Variants in PARP1 observed in about 807,000 individuals in gnomAD.
PARP1 encodes poly(ADP-ribose) polymerase 1.
Under a neutral mutation model 118.7 loss-of-function variants are expected in PARP1, and 44 were observed. The ratio of observed to expected loss-of-function variants is 0.37; its 90% CI spans 0.29 to 0.48. PARP1 has a LOEUF of 0.48. Ranked by LOEUF, PARP1 falls within the 20% of genes least tolerant of loss-of-function variation. The pLI, the probability that PARP1 is intolerant of heterozygous loss-of-function variation, is 0.99. For synonymous variants in PARP1, 492 were observed against 483.2 expected, an observed-to-expected ratio of 1.02 and a Z score of -0.24; for missense variants, 1,100 against 1,272.4, an observed-to-expected ratio of 0.86 and a Z score of 2.06.
chr1:226,368,936 G>A (rs766690549), intron 15 of PARP1, among the ~76,000 whole-genome samples: 2 of 152,176 alleles, frequency 1.3e-5, no homozygotes, highest in South Asian at 4.1e-4. Context: ...CAGGAATTTC[G>A]CAGACAGCCT....
chr1:226,370,108 G>C lies in PARP1; in HGVS notation c.2154+326C>G, dbSNP rs932235354. 1.3e-4 allele frequency among the ~76,000 whole-genome samples: 20 copies of C among 152,024 alleles called. No individual in the cohort carries two copies. The South Asian group carries it at 1.7e-3, about 13-fold the overall frequency. On this transcript the variant is annotated intron_variant, in intron 15 of 22. Coordinates refer to ENST00000366794, the MANE Select transcript of PARP1 (RefSeq NM_001618.4). ...ATGAGTGAATTTTAGTAACCCCGAG[G>C]GAGTCCTGGAACCAATCCCCGAGGA...
Position 226,385,670 on chromosome 1 carries a change from C to T in PARP1, c.845G>A (p.Arg282Gln), listed in dbSNP as rs528782098. 1.6e-5 allele frequency: 26 copies of T among 1,614,074 alleles called. No individual in the cohort carries two copies. The highest frequency in any genetic ancestry group is 4.4e-5 in the South Asian group (4 of 91,072). Residue 282 changes from arginine to glutamine, a missense_variant, in exon 7 of 23, where the codon CGA becomes CAA. Around this residue, in one of 2 missense-constraint regions of PARP1, gnomAD observed 948 missense variants for 1,031.8 expected, o/e 0.92. Coordinates refer to ENST00000366794, the MANE Select transcript of PARP1 (RefSeq NM_001618.4). ...ACCGAACACCATGCCATCAGCTACT[C>T]GGTCCAAGATCTGCAGCCAGTGGAG... ...VPSGESAILDRVADGMVFGAL... is the reference protein window; with the variant it reads ...VPSGESAILDQVADGMVFGAL...
At chr1:226,381,780 C>T (rs1410748049) in intron 8 of PARP1, among the ~76,000 whole-genome samples, 1 of 152,240 alleles carries the variant, frequency 6.6e-6, no homozygotes, top group African/African-American at 2.4e-5. Context: ...GGTGTGCCTT[C>T]TGTTCACAGC....
chr1:226,384,260 G>T (rs1324200773), intron 7 of PARP1, among the ~76,000 whole-genome samples: 1 of 152,220 alleles, frequency 6.6e-6, no homozygotes, highest in East Asian at 1.9e-4. Context: ...TGGCGGTGGG[G>T]TGGGGAGAGG....
intron 15 of PARP1, among the ~76,000 whole-genome samples, chr1:226,369,511 T>C (rs947948974): frequency 6.6e-6 from 1 of 152,216 alleles, no homozygotes; most frequent in Admixed American, 6.5e-5. Context: ...TAAGGACACA[T>C]AAAATAAAAA....
intron 1 of PARP1, among the ~76,000 whole-genome samples, chr1:226,407,386 A>AC (rs1665169860): frequency 1.3e-5 from 2 of 151,714 alleles, no homozygotes; most frequent in African/African-American, 4.8e-5. Flanking sequence ...AAAAAAAAAA[A>AC]AACCCACATG....
In PARP1 at chr1:226,390,459, C is replaced by T. The variant is rs769792716; in HGVS notation, c.568G>A (p.Glu190Lys). The change falls in exon 4 of 23, where the codon GAG becomes AAG. Residue 190 changes from glutamate to lysine, a missense_variant. By Grantham distance (56) the Glu-to-Lys change is moderately conservative. Coordinates refer to ENST00000366794, the MANE Select transcript of PARP1 (RefSeq NM_001618.4). ...QLKGFSLLAT[E>K]DKEALKKQLP... Reference sequence around the variant, plus strand: ...TGCTTCTTCAGGGCTTCTTTATCCTCTGTAGCAAGGAGGCTGAAGCCCTTG... The same window carrying T: ...TGCTTCTTCAGGGCTTCTTTATCCTTTGTAGCAAGGAGGCTGAAGCCCTTG... 1 of 1,614,184 alleles carries T rather than the reference C, an allele frequency of 6.2e-7. No individual in the cohort carries two copies. The highest frequency in any genetic ancestry group is 2.2e-5 in the East Asian group (1 of 44,880).
intron 2 of PARP1, among the ~76,000 whole-genome samples, chr1:226,398,629 C>T (rs1263459219): frequency 2.0e-5 from 3 of 151,462 alleles, no homozygotes; most frequent in East Asian, 3.9e-4. Flanking sequence ...AAGATAATTA[C>T]AGTATTAGGG....
At chr1:226,391,925 C>T (rs1455043638) in intron 3 of PARP1, among the ~76,000 whole-genome samples, 4 of 152,336 alleles carry the variant, frequency 2.6e-5, no homozygotes, top group African/African-American at 9.6e-5. Context: ...CAGTCTCTCC[C>T]CAGCCACTGC....
intron 13 of PARP1, among the ~76,000 whole-genome samples, chr1:226,376,101 C>A (rs1386160628): frequency 6.6e-6 from 1 of 152,078 alleles, no homozygotes; most frequent in Non-Finnish European, 1.5e-5. Context: ...AGATGTAAAT[C>A]CTATTTTTAA....
chr1:226,367,191 A>AAAT (rs1664287986), intron 17 of PARP1: 2 of 458,954 alleles, frequency 4.4e-6, no homozygotes, highest in East Asian at 8.7e-5. Context: ...AACAAACAAA[A>AAAT]AAGAACTTTT....
chr1:226,369,556 A>C (rs3219113), intron 15 of PARP1, among the ~76,000 whole-genome samples: 30 of 152,336 alleles, frequency 2.0e-4, no homozygotes, highest in African/African-American at 7.2e-4. Flanking sequence ...AATCGATTTG[A>C]AGTATGCGGG....
chr1:226,366,161 AAGCCGGGCATGACCGAG>A (rs1419712026), intron 17 of PARP1, 109 bp from the exon 18 acceptor site: 10 of 775,324 alleles, frequency 1.3e-5, no homozygotes, highest in African/African-American at 3.4e-5. Context: ...TCCTCAAAGG[AAGCCGGGCATGACCGAG>A]AGCCTGTGTC....
rs1664836280 is a variant in PARP1, at chr1:226,392,323, TCAAA to T, written c.287-13_287-10del. 3 of 1,596,368 alleles carry T rather than the reference TCAAA, an allele frequency of 1.9e-6. No homozygotes were observed. Among genetic ancestry groups the T allele is most frequent in the Non-Finnish European group, 2.6e-6 (3 of 1,164,320 alleles). On this transcript the variant is annotated splice_polypyrimidine_tract_variant and intron_variant, in intron 2 of 22. Transcript: ENST00000366794. ...TCCATCCTGGCCTTTGCCTGGAGAA[TCAAA>T]CAGACAGCAATGCTCATCTCAACAG... is the stretch of plus-strand genomic sequence containing the variant.
intron 7 of PARP1, among the ~76,000 whole-genome samples, chr1:226,385,048 A>G (rs1240408941): frequency 6.6e-6 from 1 of 152,206 alleles, no homozygotes; most frequent in Non-Finnish European, 1.5e-5. Context: ...GAATTCCATA[A>G]GCAGTTCCAT....
chr1:226,363,379 A>G (rs1664191407), intron 20 of PARP1, among the ~76,000 whole-genome samples: 1 of 152,156 alleles, frequency 6.6e-6, no homozygotes, highest in South Asian at 2.1e-4. Context: ...GATCACTGCT[A>G]TGGGGCCATT....
At chr1:226,397,579 A>G (rs7548007) in intron 2 of PARP1, among the ~76,000 whole-genome samples, 32,970 of 151,924 alleles carry the variant, frequency 0.22, 4,186 homozygotes, top group East Asian at 0.34. Flanking sequence ...ACCGGGACAG[A>G]TTTCTCCCTT....
intron 1 of PARP1, 68 bp downstream of exon 1, chr1:226,407,742 A>G (rs2102750166): frequency 9.0e-7 from 1 of 1,113,144 alleles, no homozygotes. Context: ...GCCCTCCCCC[A>G]GCCTTCCCGG....
chr1:226,386,691 G>C (rs1664723430), intron 5 of PARP1, among the ~76,000 whole-genome samples: 1 of 152,160 alleles, frequency 6.6e-6, no homozygotes, highest in African/African-American at 2.4e-5. Context: ...GGGTGTGGGG[G>C]AGACTGCACC....
Sources: gnomAD v4.1 joint callset for allele counts (sites outside exome capture counted in the v4.1 genomes callset) on GRCh38, gnomAD v4.1.1 for gene constraint, gnomAD v4.1.1 regional missense constraint, MANE v1.5 for transcripts, NCBI Gene and HGNC (gene_info 2026-07-23, HGNC 2026-07-21) for gene names.